The following ZDHHC2 variants were observed in gnomAD, a reference collection of about 807,000 sequenced individuals.
ZDHHC2 encodes the protein palmitoyltransferase ZDHHC2.
In ZDHHC2, 51 loss-of-function variants were observed where a neutral mutation model predicts 55.6. That is an observed-to-expected ratio of 0.92 (90% CI 0.73 to 1.16). The LOEUF (loss-of-function observed/expected upper bound fraction) is 1.16. ZDHHC2 is among the 50% of genes most tolerant of loss of function. ZDHHC2 has a pLI of 0.00. For synonymous variants in ZDHHC2, 199 were observed against 152.9 expected, an observed-to-expected ratio of 1.30 and a Z score of -2.22; for missense variants, 491 against 442.4, an observed-to-expected ratio of 1.11 and a Z score of -0.99.
chr8:17,189,807 T>C (rs1280194961), intron 3 of ZDHHC2, among the ~76,000 whole-genome samples: 1 of 152,192 alleles, frequency 6.6e-6, no homozygotes, highest in Admixed American at 6.5e-5. Context: ...CTTCATTGTG[T>C]GATTTTTCTA....
At chr8:17,159,764 A>G (rs1804242193) in intron 1 of ZDHHC2, among the ~76,000 whole-genome samples, 1 of 152,152 alleles carries the variant, frequency 6.6e-6, no homozygotes, top group African/African-American at 2.4e-5. Context: ...AAGATCACAA[A>G]AGACAGTTAT....
At chr8:17,209,236 G>A (rs2150943469) in intron 8 of ZDHHC2, among the ~76,000 whole-genome samples, 1 of 152,230 alleles carries the variant, frequency 6.6e-6, no homozygotes, top group Admixed American at 6.5e-5. Flanking sequence ...TGCAATACAT[G>A]GTTCTGGACT....
Position 17,205,309 on chromosome 8 carries a change from G to A in ZDHHC2, c.477-346G>A, listed in dbSNP as rs117636167. 6.5e-3 allele frequency among the ~76,000 whole-genome samples: 996 copies of A among 152,324 alleles called. 9 individuals carry two copies. The highest frequency in any genetic ancestry group is 0.011 in the Non-Finnish European group (720 of 68,034). ...GTTGGATATCAAACCCAAAGATGGCGTAGAGGAAGGGTTTAGTAAATTCAC... is the reference window on the plus strand; with the variant it reads ...GTTGGATATCAAACCCAAAGATGGCATAGAGGAAGGGTTTAGTAAATTCAC... On this transcript the variant is annotated intron_variant, in intron 6 of 12. Transcript: ENST00000262096.
intron 3 of ZDHHC2, among the ~76,000 whole-genome samples, chr8:17,190,736 G>C (rs754368210): frequency 6.6e-6 from 1 of 151,772 alleles, no homozygotes; most frequent in East Asian, 1.9e-4. Flanking sequence ...GTACCTAATA[G>C]ATATATATAT....
intron 1 of ZDHHC2, among the ~76,000 whole-genome samples, chr8:17,162,039 T>A (rs1804371240): frequency 6.6e-6 from 1 of 152,136 alleles, no homozygotes; most frequent in Non-Finnish European, 1.5e-5. Context: ...CATGATATGT[T>A]CCAAACTCTT....
intron 11 of ZDHHC2, among the ~76,000 whole-genome samples, chr8:17,215,912 G>A (rs1381328737): frequency 6.6e-6 from 1 of 152,206 alleles, no homozygotes; most frequent in Non-Finnish European, 1.5e-5. Flanking sequence ...TCCGAAGTCA[G>A]ACCTGATTTA....
At chr8:17,162,974 G>C (rs1008000283) in intron 1 of ZDHHC2, 1 of 152,260 alleles carries the variant, frequency 6.6e-6, no homozygotes, top group African/African-American at 2.4e-5. Flanking sequence ...AAGATTTTAA[G>C]CAGCAGTGTT....
At chr8:17,213,951 A>AATTTG (rs1681776671) in intron 10 of ZDHHC2, among the ~76,000 whole-genome samples, 1 of 152,222 alleles carries the variant, frequency 6.6e-6, no homozygotes, top group Non-Finnish European at 1.5e-5. Flanking sequence ...AAAGCTGCAC[A>AATTTG]AAATTGAAAT....
At chr8:17,197,693 G>A (rs778930096) in intron 5 of ZDHHC2, 42 bp downstream of exon 5, 38 of 1,547,498 alleles carry the variant, frequency 2.5e-5, no homozygotes, top group Non-Finnish European at 3.3e-5. Context: ...CATGCTGGTG[G>A]TCTTTTTCTT....
chr8:17,216,234 C>T (rs967293506), intron 11 of ZDHHC2, among the ~76,000 whole-genome samples: 1 of 152,160 alleles, frequency 6.6e-6, no homozygotes, highest in African/African-American at 2.4e-5. Flanking sequence ...GAACCAAAGT[C>T]AGGTAGTACG....
rs1314183646 is a variant in ZDHHC2, at chr8:17,222,048, G to C, written c.*1827G>C. 1.5e-5 allele frequency: 2 copies of C among 136,918 alleles called. No homozygotes were observed. The highest frequency in any genetic ancestry group is 7.8e-5 in the Admixed American group (1 of 12,852). The allele number at this position is 136,918 out of a possible 1,614,324, so 8.5% of individuals were successfully genotyped here. ...GTTTTTGTGGACAGGATTCGATTAA[G>C]TATTCCCTCTTGTCAAACTGGAAGC... On this transcript the variant is annotated 3_prime_UTR_variant, in exon 13 of 13. Coordinates refer to ENST00000262096, the MANE Select transcript of ZDHHC2 (RefSeq NM_016353.5).
intron 12 of ZDHHC2, 50 bp downstream of exon 12, chr8:17,217,296 T>C: frequency 7.8e-7 from 1 of 1,286,026 alleles, no homozygotes; most frequent in East Asian, 2.5e-5. Flanking sequence ...GTCTTCTAAT[T>C]TTATTAGGGC....
At chr8:17,178,987 G>A (rs759862439) in intron 1 of ZDHHC2, among the ~76,000 whole-genome samples, 1 of 152,104 alleles carries the variant, frequency 6.6e-6, no homozygotes, top group Non-Finnish European at 1.5e-5. Context: ...GTCACGCTCT[G>A]TTGCCCAGGC....
Position 17,208,035 on chromosome 8 carries a change from T to G in ZDHHC2, c.673T>G (p.Leu225Val), listed in dbSNP as rs1807193717. 6.3e-7 allele frequency: 1 copy of G among 1,594,278 alleles called. No individual in the cohort carries two copies. The highest frequency in any genetic ancestry group is 1.7e-5 in the Admixed American group (1 of 57,254). The change falls in exon 8 of 13, where the codon TTG becomes GTG. Residue 225 changes from leucine to valine, a missense_variant. Leu to Val is a conservative substitution (Grantham distance 32). Coordinates refer to ENST00000262096, the MANE Select transcript of ZDHHC2 (RefSeq NM_016353.5). Reference sequence around the variant, plus strand: ...TGCTGCAGCTATGTTTTCTGTCAGCTTGTCTTCTCTGTTTGGCTATCATTG... The same window carrying G: ...TGCTGCAGCTATGTTTTCTGTCAGCGTGTCTTCTCTGTTTGGCTATCATTG... ...FFAAAMFSVS[L>V]SSLFGYHCWL...
chr8:17,208,236 C>G, intron 8 of ZDHHC2, 144 bp downstream of exon 8: 1 of 716,676 alleles, frequency 1.4e-6, no homozygotes, highest in Non-Finnish European at 2.1e-6. Context: ...TTTGATATGT[C>G]GCTTAGACAC....
chr8:17,198,439 G>C (rs776766875), intron 6 of ZDHHC2, 26 bp downstream of exon 6: 7 of 1,579,630 alleles, frequency 4.4e-6, no homozygotes, highest in Middle Eastern at 1.7e-4. Context: ...ATTTAAACAA[G>C]TTTGTGTCCC....
At chr8:17,206,532 T>G (rs1334546875) in intron 7 of ZDHHC2, among the ~76,000 whole-genome samples, 1 of 152,190 alleles carries the variant, frequency 6.6e-6, no homozygotes, top group Non-Finnish European at 1.5e-5. Flanking sequence ...GATGACTATA[T>G]AAGATTTTTT....
intron 6 of ZDHHC2, among the ~76,000 whole-genome samples, chr8:17,199,739 C>G (rs1484278480): frequency 6.8e-6 from 1 of 146,042 alleles, no homozygotes; most frequent in Admixed American, 6.9e-5. Flanking sequence ...CTTTTTCCTT[C>G]TTCGTCCTTC....
chr8:17,219,689 A>T (rs903713930), intron 12 of ZDHHC2, among the ~76,000 whole-genome samples: 11 of 152,234 alleles, frequency 7.2e-5, no homozygotes, highest in South Asian at 6.2e-4. Flanking sequence ...TGAGAGGATG[A>T]CTTGAGCCAG....
Sources: gnomAD v4.1 joint callset for allele counts (sites outside exome capture counted in the v4.1 genomes callset) on GRCh38, gnomAD v4.1.1 for gene constraint, MANE v1.5 for transcripts, NCBI Gene and HGNC (gene_info 2026-07-23, HGNC 2026-07-21) for gene names.